ZNF804A: variants seen among roughly 807,000 people sequenced by gnomAD.
ZNF804A encodes zinc finger protein 804A.
In ZNF804A, 2 loss-of-function variants were observed where a neutral mutation model predicts 16.5. The observed-to-expected ratio is 0.12, with a 90% confidence interval of 0.05 to 0.38. The LOEUF (loss-of-function observed/expected upper bound fraction) is 0.38. Ranked by LOEUF, ZNF804A falls within the 10% of genes least tolerant of loss-of-function variation. The pLI, the probability that ZNF804A is intolerant of heterozygous loss-of-function variation, is 0.99. For missense variants in ZNF804A, 1,473 were observed against 1,390.7 expected, an observed-to-expected ratio of 1.06 and a Z score of -0.94; for synonymous variants, 534 against 489.6, an observed-to-expected ratio of 1.09 and a Z score of -1.20.
Position 184,799,128 on chromosome 2 carries a change from G to A in ZNF804A, c.112-67241G>A, listed in dbSNP as rs139283808. Among the ~76,000 whole-genome samples the A allele has an allele frequency of 9.1e-3, 1,380 of 152,144 alleles. 23 individuals are homozygous for A. The highest frequency in any genetic ancestry group is 0.032 in the African/African-American group (1,319 of 41,510). The stretch of plus-strand genomic sequence containing the variant: ...AGCACAGTATTTGGTGTGTCTCCCA[G>A]GTCCTGGAGGAGCACTCTAGAGGGT... On this transcript the variant is annotated intron_variant, in intron 1 of 3. Transcript: ENST00000302277.
At chr2:184,725,768 C>G (rs1283053294) in intron 1 of ZNF804A, among the ~76,000 whole-genome samples, 1 of 151,490 alleles carries the variant, frequency 6.6e-6, no homozygotes, top group Non-Finnish European at 1.5e-5. Context: ...CCTGATGCTA[C>G]CCCTTTATCC....
intron 1 of ZNF804A, among the ~76,000 whole-genome samples, chr2:184,787,508 A>G (rs1694466869): frequency 7.2e-6 from 1 of 138,934 alleles, no homozygotes; most frequent in Admixed American, 6.8e-5. Flanking sequence ...CTGCATACCC[A>G]CCAACATCGG....
chr2:184,761,583 T>TA (rs1694037167), intron 1 of ZNF804A, among the ~76,000 whole-genome samples: 1 of 152,124 alleles, frequency 6.6e-6, no homozygotes, highest in Admixed American at 6.5e-5. Flanking sequence ...ATCCCGGACT[T>TA]ATTTACTGAA....
intron 1 of ZNF804A, among the ~76,000 whole-genome samples, chr2:184,769,917 A>C (rs1158337367): frequency 6.6e-6 from 1 of 152,090 alleles, no homozygotes; most frequent in East Asian, 1.9e-4. Flanking sequence ...GCACAAGTAA[A>C]ACATCTGTTA....
chr2:184,939,135 G>A lies in ZNF804A; in HGVS notation c.*109G>A, dbSNP rs984943037. 2.5e-5 allele frequency: 34 copies of A among 1,352,160 alleles called. No individual in the cohort carries two copies. The highest frequency in any genetic ancestry group is 1.6e-4 in the Admixed American group (7 of 44,642). The allele number at this position is 1,352,160 out of a possible 1,614,324, so 83.8% of individuals were successfully genotyped here. ...TTTAACTGGTGGAAATAAACTGGCC[G>A]ATACATGGCGTCATTGGTTTGAAAT... is the stretch of plus-strand genomic sequence containing the variant. On this transcript the variant is annotated 3_prime_UTR_variant, in exon 4 of 4. Transcript: ENST00000302277.
Position 184,938,625 on chromosome 2 carries a change from C to T in ZNF804A, c.3229C>T (p.Pro1077Ser), listed in dbSNP as rs141397832. ...CTTTCCTCCAGCTGCCCTCCCACCC[C>T]CTAGCACACCTCTGCAGCCTTTGCC... is the stretch of plus-strand genomic sequence containing the variant. ...FTFPPAALPP[P>S]STPLQPLPLQ... Residue 1077 changes from proline (P) to serine (S), a missense_variant, in exon 4 of 4, where the codon CCT becomes TCT. Pro to Ser is a moderately conservative substitution (Grantham distance 74, BLOSUM62 -1). Transcript: ENST00000302277. 1.4e-5 allele frequency: 23 copies of T among 1,613,970 alleles called. No homozygotes were observed. The highest frequency in any genetic ancestry group is 2.2e-5 in the East Asian group (1 of 44,840).
chr2:184,877,121 C>T (rs1314200058), intron 2 of ZNF804A, among the ~76,000 whole-genome samples: 1 of 151,850 alleles, frequency 6.6e-6, no homozygotes, highest in Non-Finnish European at 1.5e-5. Context: ...TTATAGTTTA[C>T]ATGATGACTT....
intron 1 of ZNF804A, among the ~76,000 whole-genome samples, chr2:184,631,899 A>C (rs182776205): frequency 2.2e-4 from 34 of 152,322 alleles, no homozygotes; most frequent in Admixed American, 2.0e-3. Context: ...GATTTGGAGA[A>C]TGTGAATATG....
intron 1 of ZNF804A, among the ~76,000 whole-genome samples, chr2:184,772,607 T>A (rs1252879413): frequency 6.6e-6 from 1 of 151,842 alleles, no homozygotes; most frequent in African/African-American, 2.4e-5. Flanking sequence ...TTTGTGTGGA[T>A]ATACATTTTG....
chr2:184,705,583 G>A (rs573822234), intron 1 of ZNF804A, among the ~76,000 whole-genome samples: 2 of 152,280 alleles, frequency 1.3e-5, no homozygotes, highest in Admixed American at 6.5e-5. Context: ...GTTAGGAGAT[G>A]ACAGTTCTCT....
chr2:184,773,339 A>G (rs1694245028), intron 1 of ZNF804A, among the ~76,000 whole-genome samples: 1 of 151,806 alleles, frequency 6.6e-6, no homozygotes, highest in African/African-American at 2.4e-5. Flanking sequence ...TGAAAATAGA[A>G]TAATGCAAGT....
intron 1 of ZNF804A, among the ~76,000 whole-genome samples, chr2:184,786,934 GTCTA>G (rs1386454627): frequency 4.6e-5 from 7 of 151,672 alleles, no homozygotes; most frequent in Non-Finnish European, 7.4e-5. Flanking sequence ...CTTTAATATA[GTCTA>G]TCTAAGTACA....
intron 1 of ZNF804A, among the ~76,000 whole-genome samples, chr2:184,680,276 G>T (rs1331094993): frequency 1.3e-5 from 2 of 151,128 alleles, no homozygotes; most frequent in Non-Finnish European, 2.9e-5. Context: ...GCTGAGAGCT[G>T]AACAGATGTG....
intron 1 of ZNF804A, among the ~76,000 whole-genome samples, chr2:184,738,074 C>T (rs985731097): frequency 2.0e-5 from 3 of 149,166 alleles, no homozygotes; most frequent in South Asian, 4.2e-4. Flanking sequence ...TGCAGTGAGC[C>T]GAGATCATGC....
intron 2 of ZNF804A, among the ~76,000 whole-genome samples, chr2:184,882,843 C>T (rs1684829372): frequency 6.6e-6 from 1 of 151,896 alleles, no homozygotes; most frequent in African/African-American, 2.4e-5. Context: ...AGAGAGATCT[C>T]AAATTAGCAA....
intron 1 of ZNF804A, among the ~76,000 whole-genome samples, chr2:184,631,619 T>C (rs1408344123): frequency 6.6e-6 from 1 of 152,164 alleles, no homozygotes; most frequent in Non-Finnish European, 1.5e-5. Context: ...AAGTTACAGT[T>C]CATATACAGT....
intron 1 of ZNF804A, among the ~76,000 whole-genome samples, chr2:184,626,186 A>G (rs1691495517): frequency 6.6e-6 from 1 of 152,058 alleles, no homozygotes; most frequent in Non-Finnish European, 1.5e-5. Flanking sequence ...TTAATATATA[A>G]TACTTCTAGG....
chr2:184,747,479 G>A (rs985145153), intron 1 of ZNF804A, among the ~76,000 whole-genome samples: 1 of 150,746 alleles, frequency 6.6e-6, no homozygotes, highest in Non-Finnish European at 1.5e-5. Context: ...TTTAGAGTAT[G>A]TTTTACATAC....
chr2:184,849,681 C>T lies in ZNF804A; in HGVS notation c.112-16688C>T, dbSNP rs368684293. The stretch of plus-strand genomic sequence containing the variant: ...CACTATGGAGGATAGTATTGAAGTG[C>T]TTCATAAAGCTAAAAATAGAACTAC... On this transcript the variant is annotated intron_variant, in intron 1 of 3. Transcript: ENST00000302277. Among the ~76,000 whole-genome samples, 5 of 151,918 alleles carry T rather than the reference C, an allele frequency of 3.3e-5. No individual in the cohort carries two copies. In the East Asian group the frequency reaches 9.6e-4, roughly 29 times the overall value.
Sources: allele counts gnomAD v4.1 joint callset (sites outside exome capture counted in the v4.1 genomes callset), GRCh38; gene constraint gnomAD v4.1.1; transcripts MANE v1.5; gene names NCBI Gene and HGNC (gene_info 2026-07-23, HGNC 2026-07-21).